CSMD3: variants seen among roughly 807,000 people sequenced by gnomAD.
CSMD3 encodes the protein CUB and sushi domain-containing protein 3.
Under a neutral mutation model 435.2 loss-of-function variants are expected in CSMD3, and 177 were observed. That is an observed-to-expected ratio of 0.41 (90% CI 0.36 to 0.46). The LOEUF (loss-of-function observed/expected upper bound fraction) is 0.46, where lower values mean the gene tolerates loss of function less well. Among genes scored for constraint, CSMD3 ranks in the 20% least tolerant of loss-of-function variants. CSMD3 has a pLI of 0.34. For synonymous variants in CSMD3, 1,656 were observed against 1,520.5 expected, an observed-to-expected ratio of 1.09 and a Z score of -2.07; for missense variants, 4,265 against 4,504.6, an observed-to-expected ratio of 0.95 and a Z score of 1.52.
At position 112,975,999 on chromosome 8, in the gene CSMD3, G is replaced by C. The variant is rs2084833260; in HGVS notation, c.1180C>G (p.Gln394Glu). Residue 394 changes from glutamine to glutamate, a missense_variant, in exon 7 of 71, where the codon CAG becomes GAG. Around this residue, in one of 3 missense-constraint regions of CSMD3, gnomAD observed 731 missense variants for 755.4 expected, o/e 0.97. Transcript: ENST00000297405. ...AVTIHRLSEE[Q>E]RVQVTSLRNS... is the part of the protein sequence containing the mutation. ...CTGAGACTCGTAACTTGCACTCGCT[G>C]TTCCTCGGAAAGTCTATGGATGGTG... The C allele has an allele frequency of 6.2e-7, 1 of 1,613,890 alleles. No homozygotes were observed. Among genetic ancestry groups the C allele is most frequent in the African/African-American group, 1.3e-5 (1 of 74,906 alleles).
chr8:112,557,808 G>A (rs1047476637), intron 24 of CSMD3, among the ~76,000 whole-genome samples: 1 of 151,900 alleles, frequency 6.6e-6, no homozygotes, highest in African/African-American at 2.4e-5. Context: ...ATAAAGGTGA[G>A]TAAATGTTTC....
At chr8:112,613,925 C>G (rs527817178) in intron 22 of CSMD3, among the ~76,000 whole-genome samples, 21 of 152,112 alleles carry the variant, frequency 1.4e-4, no homozygotes, top group African/African-American at 5.1e-4. Flanking sequence ...GAGTTTGAGA[C>G]CAACCTGTGC....
At chr8:112,421,308 C>T (rs1240540759) in intron 32 of CSMD3, among the ~76,000 whole-genome samples, 1 of 151,796 alleles carries the variant, frequency 6.6e-6, no homozygotes, top group Non-Finnish European at 1.5e-5. Context: ...TTTGAGAGGC[C>T]TAGGTGGGAG....
Position 112,530,542 on chromosome 8 carries a change from C to T in CSMD3, c.4565-13317G>A, listed in dbSNP as rs911662991. Among the ~76,000 whole-genome samples the T allele has an allele frequency of 3.3e-5, 5 of 152,082 alleles. No individual in the cohort carries two copies. The East Asian group carries it at 5.8e-4, about 18-fold the overall frequency. On this transcript the variant is annotated intron_variant, in intron 27 of 70. Coordinates refer to ENST00000297405, the MANE Select transcript of CSMD3 (RefSeq NM_198123.2). The stretch of plus-strand genomic sequence containing the variant: ...AGAAAAAATAGCCTGCCACCATACA[C>T]GGTCAAACTGTCTTTCAAAAATGAA...
chr8:113,064,741 T>C (rs2088779852), intron 5 of CSMD3, among the ~76,000 whole-genome samples: 1 of 152,178 alleles, frequency 6.6e-6, no homozygotes, highest in African/African-American at 2.4e-5. Flanking sequence ...GATCATAAAA[T>C]TAAACATGCC....
chr8:112,809,493 C>T (rs1587360361), intron 12 of CSMD3, among the ~76,000 whole-genome samples: 1 of 152,152 alleles, frequency 6.6e-6, no homozygotes, highest in African/African-American at 2.4e-5. Flanking sequence ...AGAAGAAATT[C>T]TAGTGAGCTT....
At position 112,341,447 on chromosome 8, in the gene CSMD3, T is replaced by C. The variant is rs766378260; in HGVS notation, c.6652+30A>G. 6 of 1,403,208 alleles carry C rather than the reference T, an allele frequency of 4.3e-6. 1 individual carries two copies. Among genetic ancestry groups the C allele is most frequent in the Middle Eastern group, 3.5e-4 (2 of 5,650 alleles). 86.9% of individuals were successfully genotyped at this position (1,403,208 alleles called of 1,614,324 possible). A position where few individuals can be genotyped will look rare whatever the true frequency, so the allele number is the denominator to read the frequency against. ...TTCTAATAGCTGATTTGGGGTTATA[T>C]AAATTTTCATTTTTTATTATTTCTC... is the stretch of plus-strand genomic sequence containing the variant. On this transcript the variant is annotated intron_variant, in intron 42 of 70. Transcript: ENST00000297405.
At chr8:112,794,515 G>T (rs1007372539) in intron 13 of CSMD3, among the ~76,000 whole-genome samples, 2 of 151,588 alleles carry the variant, frequency 1.3e-5, no homozygotes, top group African/African-American at 4.8e-5. Flanking sequence ...GGCTGGTCTC[G>T]AACTCCTGAC....
intron 1 of CSMD3, among the ~76,000 whole-genome samples, chr8:113,410,569 T>A (rs1312959720): frequency 6.6e-6 from 1 of 152,068 alleles, no homozygotes; most frequent in African/African-American, 2.4e-5. Flanking sequence ...TAGATTCCCA[T>A]CTACTTGCCA....
chr8:113,416,814 T>G (rs1377695371), intron 1 of CSMD3, among the ~76,000 whole-genome samples: 2 of 152,086 alleles, frequency 1.3e-5, no homozygotes, highest in African/African-American at 4.8e-5. Context: ...TTAAAAAACA[T>G]AACTAAAAAT....
chr8:112,616,934 C>T (rs995866659), intron 22 of CSMD3, among the ~76,000 whole-genome samples: 1 of 152,134 alleles, frequency 6.6e-6, no homozygotes, highest in East Asian at 1.9e-4. Context: ...CTGTGTTCAA[C>T]TGAAACTAGG....
intron 12 of CSMD3, among the ~76,000 whole-genome samples, chr8:112,811,109 C>G (rs1042366115): frequency 2.0e-5 from 3 of 151,786 alleles, no homozygotes; most frequent in Admixed American, 6.6e-5. Context: ...TGATAATTAC[C>G]TTGCTTTGTA....
chr8:113,047,556 T>C (rs1271074403), intron 5 of CSMD3, among the ~76,000 whole-genome samples: 1 of 152,218 alleles, frequency 6.6e-6, no homozygotes, highest in African/African-American at 2.4e-5. Flanking sequence ...AAGCCAAAAA[T>C]GTTGAACAAT....
rs774163140 is a variant in CSMD3, at chr8:112,255,353, C to T, written c.9937G>A (p.Val3313Ile). 7 of 1,613,640 alleles carry T rather than the reference C, an allele frequency of 4.3e-6. No homozygotes were observed. Among genetic ancestry groups the T allele is most frequent in the South Asian group, 1.1e-5 (1 of 91,066 alleles). The change falls in exon 62 of 71, where the codon GTT becomes ATT. Residue 3313 changes from valine to isoleucine, a missense_variant. Physicochemically the swap from Val to Ile is conservative, Grantham distance 29. Coordinates refer to ENST00000297405, the MANE Select transcript of CSMD3 (RefSeq NM_198123.2). ...EGKSFIYQSE[V>I]SFSCNFPFIL... ...AAAGGAAAATTGCAGCTGAATGAAA[C>T]CTCTGACTGGTATATAAAGCTTTTG... is the stretch of plus-strand genomic sequence containing the variant.
intron 45 of CSMD3, among the ~76,000 whole-genome samples, chr8:112,326,097 C>T (rs1449844485): frequency 9.2e-5 from 14 of 152,020 alleles, no homozygotes; most frequent in African/African-American, 3.1e-4. Flanking sequence ...GTATAAAGGA[C>T]ATTTTGATTT....
At chr8:113,100,391 A>G (rs1391105893) in intron 4 of CSMD3, among the ~76,000 whole-genome samples, 3 of 152,044 alleles carry the variant, frequency 2.0e-5, no homozygotes, top group African/African-American at 7.2e-5. Context: ...TGCCGTCTCT[A>G]CCCTCAACCA....
intron 36 of CSMD3, among the ~76,000 whole-genome samples, chr8:112,384,020 T>A (rs1829718369): frequency 1.3e-5 from 2 of 152,244 alleles, no homozygotes; most frequent in Non-Finnish European, 2.9e-5. Context: ...TATGTATATG[T>A]ACTGATTTGA....
intron 27 of CSMD3, among the ~76,000 whole-genome samples, chr8:112,518,657 G>A (rs867375365): frequency 0.013 from 1,677 of 130,038 alleles, 42 homozygotes; most frequent in African/African-American, 0.043. Flanking sequence ...AGAGAGAGAG[G>A]GAAACTTACT....
chr8:112,295,115 T>C (rs1233694724), intron 54 of CSMD3, among the ~76,000 whole-genome samples: 1 of 152,264 alleles, frequency 6.6e-6, no homozygotes, highest in African/African-American at 2.4e-5. Context: ...CGCAACCTCA[T>C]AAATAATTTT....
Sources: allele counts gnomAD v4.1 joint callset (sites outside exome capture counted in the v4.1 genomes callset), GRCh38; gene constraint gnomAD v4.1.1; regional missense constraint gnomAD v4.1.1; transcripts MANE v1.5; gene names NCBI Gene and HGNC (gene_info 2026-07-23, HGNC 2026-07-21).